The following DPH5 variants were observed in gnomAD, a reference collection of about 807,000 sequenced individuals.
DPH5 encodes the protein diphthine methyl ester synthase.
A neutral mutation model predicts 31.6 loss-of-function variants in DPH5; 31 were observed. The ratio of observed to expected loss-of-function variants is 0.98; its 90% CI spans 0.74 to 1.32. DPH5 has a LOEUF of 1.32. Among genes scored for constraint, DPH5 ranks in the 40% most tolerant of loss-of-function variants. The pLI is 0.00. For missense variants in DPH5, 309 were observed against 335.7 expected (o/e 0.92, Z 0.62); for synonymous variants, 120 against 115.0 (o/e 1.04, Z -0.28).
intron 5 of DPH5, 96 bp downstream of exon 5, chr1:101,001,371 C>A: frequency 7.9e-7 from 1 of 1,272,014 alleles, no homozygotes; most frequent in Non-Finnish European, 1.1e-6. Flanking sequence ...CTTTTCTTAC[C>A]TCTAGCTAAT....
intron 6 of DPH5, 73 bp downstream of exon 6, chr1:100,995,037 T>C: frequency 9.4e-7 from 1 of 1,062,522 alleles, no homozygotes; most frequent in South Asian, 1.3e-5. Flanking sequence ...AGAACTCAGG[T>C]CATTTAAGTA....
intron 3 of DPH5, among the ~76,000 whole-genome samples, chr1:101,021,076 T>C (rs912433504): frequency 1.3e-5 from 2 of 152,304 alleles, no homozygotes; most frequent in East Asian, 1.9e-4. Flanking sequence ...ACATTAGAGA[T>C]TGATGATGCT....
At chr1:101,017,445 T>TA (rs1319526635) in intron 3 of DPH5, among the ~76,000 whole-genome samples, 1 of 152,236 alleles carries the variant, frequency 6.6e-6, no homozygotes, top group African/African-American at 2.4e-5. Context: ...ATTTTTAAGA[T>TA]AAAATCTCAA....
At chr1:100,993,559 A>AATATAAAT (rs1553247258) in intron 6 of DPH5, among the ~76,000 whole-genome samples, 1 of 56,534 alleles carries the variant, frequency 1.8e-5, no homozygotes, top group African/African-American at 6.2e-5. Context: ...CGAAAATATA[A>AATATAAAT]ATATATATAT....
chr1:101,024,720 C>T (rs1660702953), intron 2 of DPH5, among the ~76,000 whole-genome samples: 1 of 152,172 alleles, frequency 6.6e-6, no homozygotes, highest in South Asian at 2.1e-4. Flanking sequence ...AATATACTAA[C>T]AAATACTTTG....
chr1:101,012,242 G>A (rs942867098), intron 4 of DPH5, among the ~76,000 whole-genome samples: 1 of 152,170 alleles, frequency 6.6e-6, no homozygotes, highest in African/African-American at 2.4e-5. Flanking sequence ...TCACAAGCTT[G>A]TCCAGTCTGC....
At chr1:101,012,028 G>A in intron 4 of DPH5, among the ~76,000 whole-genome samples, 1 of 151,084 alleles carries the variant, frequency 6.6e-6, no homozygotes, top group Non-Finnish European at 1.5e-5. Flanking sequence ...AGCCTCCCCA[G>A]TAGCTGGGAT....
At chr1:101,025,536 A>T in intron 1 of DPH5, 70 bp from the exon 2 acceptor site, 1 of 1,486,766 alleles carries the variant, frequency 6.7e-7, no homozygotes, top group East Asian at 2.3e-5. Flanking sequence ...GATGAACACG[A>T]TGACAACCAA....
intron 3 of DPH5, among the ~76,000 whole-genome samples, chr1:101,016,473 C>CT (rs1660084938): frequency 7.0e-6 from 1 of 142,902 alleles, no homozygotes; most frequent in African/African-American, 2.6e-5. Context: ...GACACGGAAT[C>CT]TCACTATATC....
At chr1:101,003,625 GAGTGCCTAGT>G (rs1208626886) in intron 4 of DPH5, among the ~76,000 whole-genome samples, 4 of 152,186 alleles carry the variant, frequency 2.6e-5, no homozygotes, top group African/African-American at 9.6e-5. Context: ...AAAGTATGCA[GAGTGCCTAGT>G]AGTGCCTTGC....
chr1:101,016,867 T>C (rs1341707111), intron 3 of DPH5, among the ~76,000 whole-genome samples: 2 of 152,200 alleles, frequency 1.3e-5, no homozygotes, highest in African/African-American at 4.8e-5. Flanking sequence ...AACTTCAATA[T>C]TGTTGGGTCT....
intron 4 of DPH5, among the ~76,000 whole-genome samples, chr1:101,005,113 T>G (rs757085186): frequency 2.0e-5 from 3 of 152,238 alleles, no homozygotes; most frequent in Admixed American, 6.5e-5. Context: ...CAATATTTCT[T>G]TCCTTTTAGA....
chr1:101,025,374 T>G lies in DPH5; in HGVS notation c.70A>C (p.Arg24=). 6.2e-7 allele frequency: 1 copy of G among 1,614,194 alleles called. No homozygotes were observed. Among genetic ancestry groups the G allele is most frequent in the Non-Finnish European group, 8.5e-7 (1 of 1,180,036 alleles). ...DITVKGLEVV[R]RCSRVYLEAY... ...TCCAGATACACTCGACTGCAGCGTC[T>G]AACAACTTCCAGGCCCTTGACTGTG... Residue 24 remains arginine, a synonymous_variant, in exon 2 of 8, where the codon AGA becomes CGA. Coordinates refer to ENST00000370109, the MANE Select transcript of DPH5 (RefSeq NM_015958.3).
At chr1:101,005,965 A>T (rs1659201701) in intron 4 of DPH5, among the ~76,000 whole-genome samples, 1 of 152,100 alleles carries the variant, frequency 6.6e-6, no homozygotes, top group South Asian at 2.1e-4. Context: ...CGTGATAGTG[A>T]GTTCTCACAA....
intron 3 of DPH5, among the ~76,000 whole-genome samples, chr1:101,018,774 C>A (rs982365095): frequency 3.3e-5 from 5 of 152,138 alleles, no homozygotes; most frequent in African/African-American, 9.7e-5. Context: ...TTTGGAGGAT[C>A]TACCATAAGG....
intron 3 of DPH5, among the ~76,000 whole-genome samples, chr1:101,016,271 G>A (rs566805111): frequency 6.9e-4 from 105 of 151,934 alleles, no homozygotes; most frequent in African/African-American, 2.3e-3. Flanking sequence ...GGAGAATGGC[G>A]TGAACCCGGG....
Position 101,021,857 on chromosome 1 carries a change from CACTCTT to C in DPH5, c.136-98_136-93del, listed in dbSNP as rs1660482138. On this transcript the variant is annotated intron_variant, in intron 2 of 7. Transcript: ENST00000370109. ...ACACACACACACACACACACACACACACTCTTTGTTTGGGACTGGTGCATATGTTGG... is the reference window on the plus strand; with the variant it reads ...ACACACACACACACACACACACACACTGTTTGGGACTGGTGCATATGTTGG... 5 of 1,183,338 alleles carry C rather than the reference CACTCTT, an allele frequency of 4.2e-6. No homozygotes were observed. In the African/African-American group the frequency reaches 4.7e-5, roughly 11 times the overall value. The allele number at this position is 1,183,338 out of a possible 1,614,324, so 73.3% of individuals were successfully genotyped here.
intron 5 of DPH5, among the ~76,000 whole-genome samples, chr1:100,999,295 C>CA (rs2101173867): frequency 6.6e-6 from 1 of 151,566 alleles, no homozygotes; most frequent in East Asian, 2.0e-4. Context: ...ACAAAACATA[C>CA]AAAAATTGGC....
At chr1:101,021,499 T>C in intron 3 of DPH5, 142 bp downstream of exon 3, 1 of 729,150 alleles carries the variant, frequency 1.4e-6, no homozygotes, top group Non-Finnish European at 2.1e-6. Context: ...AAGTTTAAAC[T>C]ATGACATTTT....
Sources: allele counts gnomAD v4.1 joint callset (sites outside exome capture counted in the v4.1 genomes callset), GRCh38; gene constraint gnomAD v4.1.1; transcripts MANE v1.5; gene names NCBI Gene and HGNC (gene_info 2026-07-23, HGNC 2026-07-21).